Variants in MED25 observed in about 807,000 individuals in gnomAD.
The protein encoded by MED25 is mediator complex subunit 25.
Under a neutral mutation model 89.4 loss-of-function variants are expected in MED25, and 62 were observed. That is an observed-to-expected ratio of 0.69 (90% confidence interval 0.57 to 0.86). MED25 has a LOEUF of 0.86. MED25 is among the 40% of genes least tolerant of loss of function. The probability of loss-of-function intolerance (pLI) is 0.00; values close to 1 mark genes in which losing one functional copy is unlikely to be tolerated. For missense variants in MED25, 905 were observed against 1,005.2 expected, an observed-to-expected ratio of 0.90 and a Z score of 1.35; for synonymous variants, 449 against 427.9, an observed-to-expected ratio of 1.05 and a Z score of -0.61.
chr19:49,826,334 C>T (rs908077939), intron 3 of MED25, among the ~76,000 whole-genome samples: 12 of 152,156 alleles, frequency 7.9e-5, no homozygotes, highest in Admixed American at 5.2e-4. Context: ...AGCGAGACTC[C>T]GTCTCAAAAA....
chr19:49,838,719 G>A (rs527706186), downstream of MED25: 5 of 456,726 alleles, frequency 1.1e-5, no homozygotes, highest in South Asian at 7.7e-5. Context: ...AATACAACCT[G>A]AAACGCCACT....
chr19:49,839,263 A>G, downstream of MED25: 1 of 171,744 alleles, frequency 5.8e-6, no homozygotes, highest in East Asian at 1.6e-4. Context: ...GACTGGCCAG[A>G]GTTCCGAAGC....
At chr19:49,824,900 C>A (rs923198183) in intron 3 of MED25, among the ~76,000 whole-genome samples, 3 of 152,108 alleles carry the variant, frequency 2.0e-5, no homozygotes, top group Non-Finnish European at 2.9e-5. Flanking sequence ...GCAGCAGAGA[C>A]CCCGGGGAAT....
intron 2 of MED25, 97 bp downstream of exon 2, chr19:49,818,713 G>T: frequency 8.3e-7 from 1 of 1,205,008 alleles, no homozygotes; most frequent in East Asian, 2.4e-5. Flanking sequence ...GGACTCCTGA[G>T]TTTGAGGGAG....
chr19:49,819,004 TG>T, intron 2 of MED25, 167 bp from the exon 3 acceptor site: 1 of 843,406 alleles, frequency 1.2e-6, no homozygotes, highest in Non-Finnish European at 1.9e-6. Context: ...CCTGGATTCC[TG>T]GGTCTGAGGG....
chr19:49,832,336 CA>C lies in MED25; in HGVS notation c.1405del (p.Arg469GlyfsTer128). The C allele has an allele frequency of 6.2e-7, 1 of 1,609,936 alleles. No homozygotes were observed. The highest frequency in any genetic ancestry group is 1.7e-5 in the Admixed American group (1 of 59,552). Reference sequence around the variant, plus strand: ...ACCCTGGGCCCTTTGTTCCGGAACTCAAGGATGGTCCAGTTCCATTTCACCA... The same window carrying C: ...ACCCTGGGCCCTTTGTTCCGGAACTCAGGATGGTCCAGTTCCATTTCACCA... ...LTTLGPLFRN[S>X]RMVQFHFTNK... is the part of the protein sequence containing the mutation. On this transcript the variant is annotated frameshift_variant, in exon 13 of 18. Transcript: ENST00000312865. LOFTEE classifies it high-confidence loss of function.
chr19:49,831,943 A>T lies in MED25; in HGVS notation c.1238A>T (p.Lys413Ile). The change falls in exon 11 of 18, where the codon AAA becomes ATA. Residue 413 changes from lysine (K) to isoleucine (I), a missense_variant. Coordinates refer to ENST00000312865, the MANE Select transcript of MED25 (RefSeq NM_030973.4). This position sits in a 1 kb window ranked among gnomAD's most constrained non-coding sequence, Gnocchi z 5.0. ...SGVLEWQEKP[K>I]PASVDANTKL... ...CTCTTTTTTCCCCCTCAGAAACCCA[A>T]ACCTGCCTCAGTGGATGCCAACACC... 6.2e-7 allele frequency: 1 copy of T among 1,614,072 alleles called. No homozygotes were observed.
At chr19:49,828,416 C>A (rs757068737) in intron 3 of MED25, 33 bp from the exon 4 acceptor site, 2 of 1,464,476 alleles carry the variant, frequency 1.4e-6, no homozygotes, top group Non-Finnish European at 9.4e-7. Flanking sequence ...GGGATGATGG[C>A]AACCCTGGGG....
In MED25 at chr19:49,830,113, C is replaced by T. The variant is rs748517568; in HGVS notation, c.714C>T (p.Pro238=). The T allele has an allele frequency of 3.1e-6, 5 of 1,609,040 alleles. No individual in the cohort carries two copies. Among genetic ancestry groups the T allele is most frequent in the Admixed American group, 3.3e-5 (2 of 59,870 alleles). Residue 238 remains proline (P), a synonymous_variant, in exon 7 of 18, where the codon CCC becomes CCT. Transcript: ENST00000312865. This position sits in a 1 kb window ranked among gnomAD's most constrained non-coding sequence, Gnocchi z 4.6. ...LPVGGGSAPG[P]LQSKQPVPLP... ...TTGGGGGTGGCTCAGCCCCAGGCCC[C>T]CTCCAGTCAAAGCAGCCAGTCCCCC... is the stretch of plus-strand genomic sequence containing the variant.
rs1333507247 is a variant in MED25, at chr19:49,836,913, T to C, written c.2213T>C (p.Met738Thr). 3 of 1,612,954 alleles carry C rather than the reference T, an allele frequency of 1.9e-6. No individual in the cohort carries two copies. The East Asian group carries it at 6.7e-5, about 36-fold the overall frequency. The change falls in exon 18 of 18, where the codon ATG (methionine) becomes ACG (threonine). Residue 738 changes from methionine to threonine, a missense_variant. By Grantham distance (81) the Met-to-Thr change is moderately conservative. This residue lies in a region of MED25 where 271 missense variants were observed against 258.1 expected (regional missense o/e 1.05). Coordinates refer to ENST00000312865, the MANE Select transcript of MED25 (RefSeq NM_030973.4). The surrounding 1 kb of genome is among the most constrained non-coding windows in gnomAD (Gnocchi z 5.1). Reference protein sequence around the residue: ...VPQPGLQPSVMEDDILMDLI With the variant: ...VPQPGLQPSVTEDDILMDLI ...CAGCCGGGCCTGCAGCCCAGCGTCATGGAGGACGACATCCTCATGGATCTC... is the reference window on the plus strand; with the variant it reads ...CAGCCGGGCCTGCAGCCCAGCGTCACGGAGGACGACATCCTCATGGATCTC...
In MED25 at chr19:49,834,861, C is replaced by T. The variant is rs555857944; in HGVS notation, c.1483-125C>T. The T allele has an allele frequency of 1.9e-5, 19 of 994,710 alleles. No homozygotes were observed. The Admixed American group carries it at 2.7e-4, about 14-fold the overall frequency. 61.6% of individuals were successfully genotyped at this position (994,710 alleles called of 1,614,324 possible). On this transcript the variant is annotated intron_variant, in intron 13 of 17. Transcript: ENST00000312865. The surrounding 1 kb of genome is among the most constrained non-coding windows in gnomAD (Gnocchi z 4.1). ...CCCATAGCACACCTGTTCTCCTTAA[C>T]CTTCTATAGCAGAAACCTCACCTCA...
Position 49,835,302 on chromosome 19 carries a change from G to A in MED25, c.1674+125G>A, listed in dbSNP as rs888985327. Reference sequence around the variant, plus strand: ...CCAATATGTGGTGCCTCCAAGCTAAGTCCCACTCAGATTTTCTTGCAGTCT... The same window carrying A: ...CCAATATGTGGTGCCTCCAAGCTAAATCCCACTCAGATTTTCTTGCAGTCT... On this transcript the variant is annotated intron_variant, in intron 14 of 17. Transcript: ENST00000312865. The surrounding 1 kb of genome is among the most constrained non-coding windows in gnomAD (Gnocchi z 6.2). 19 of 1,131,928 alleles carry A rather than the reference G, an allele frequency of 1.7e-5. No individual in the cohort carries two copies. The highest frequency in any genetic ancestry group is 2.4e-5 in the Non-Finnish European group (18 of 752,516). 70.1% of individuals were successfully genotyped at this position (1,131,928 alleles called of 1,614,324 possible). A position where few individuals can be genotyped will look rare whatever the true frequency, so the allele number is the denominator to read the frequency against.
chr19:49,839,128 CTTTA>C (rs1485633123), downstream of MED25: 1 of 260,240 alleles, frequency 3.8e-6, no homozygotes, highest in Non-Finnish European at 7.5e-6. Context: ...ACCCAGTTAG[CTTTA>C]TTTATTTGTG....
At position 49,832,096 on chromosome 19, in the gene MED25, C is replaced by T; in HGVS notation, c.1317-4C>T. 6.2e-7 allele frequency: 1 copy of T among 1,613,748 alleles called. No individual in the cohort carries two copies. The highest frequency in any genetic ancestry group is 8.5e-7 in the Non-Finnish European group (1 of 1,180,012). On this transcript the variant is annotated splice_polypyrimidine_tract_variant and splice_region_variant and intron_variant, in intron 11 of 17. Coordinates refer to ENST00000312865, the MANE Select transcript of MED25 (RefSeq NM_030973.4). ...CCTCACACCTCTCCTGGCATCGCCC[C>T]CAGGAAGACGGAGCAGTGGCCCCAG...
Position 49,831,463 on chromosome 19 carries a change from T to A in MED25, c.1230+2T>A. On this transcript the variant is annotated splice_donor_variant, in intron 10 of 17. Transcript: ENST00000312865. LOFTEE classifies it high-confidence loss of function. The surrounding 1 kb of genome is among the most constrained non-coding windows in gnomAD (Gnocchi z 5.0). ...AGCGGGGTCCTGGAGTGGCAAGAGG[T>A]GAGGGGCCTGAGGGTCCATTGGGCA... 6.2e-7 allele frequency: 1 copy of A among 1,610,714 alleles called. No homozygotes were observed.
rs75260349 is a variant in MED25, at chr19:49,830,353, G to A, written c.819+135G>A. 285 of 1,169,294 alleles carry A rather than the reference G, an allele frequency of 2.4e-4. 1 individual carries two copies. In the African/African-American group the frequency reaches 3.9e-3, roughly 16 times the overall value. 72.4% of individuals were successfully genotyped at this position (1,169,294 alleles called of 1,614,324 possible). ...GGGACATTGGGAAGGTGGGACTCTTGGGGCCATGGAAGCTCATGTGCTGTG... is the reference window on the plus strand; with the variant it reads ...GGGACATTGGGAAGGTGGGACTCTTAGGGCCATGGAAGCTCATGTGCTGTG... On this transcript the variant is annotated intron_variant, in intron 7 of 17. Transcript: ENST00000312865. This position sits in a 1 kb window ranked among gnomAD's most constrained non-coding sequence, Gnocchi z 4.6.
In MED25 at chr19:49,835,547, A is replaced by T; in HGVS notation, c.1688A>T (p.Gln563Leu). The change falls in exon 15 of 18, where the codon CAG becomes CTG. Residue 563 changes from glutamine (Q) to leucine (L), a missense_variant. This residue lies in a region of MED25 where 271 missense variants were observed against 258.1 expected (regional missense o/e 1.05). Transcript: ENST00000312865. The surrounding 1 kb of genome is among the most constrained non-coding windows in gnomAD (Gnocchi z 6.2). The part of the protein sequence containing the change: ...EQQQRGMGGQ[Q>L]APPGLGPILE... ...CTCCCCGTGCAGATGGGGGGACAGCAGGCACCCCCAGGGCTGGGGCCCATT... is the reference window on the plus strand; with the variant it reads ...CTCCCCGTGCAGATGGGGGGACAGCTGGCACCCCCAGGGCTGGGGCCCATT... 2 of 1,562,500 alleles carry T rather than the reference A, an allele frequency of 1.3e-6. No individual in the cohort carries two copies. The highest frequency in any genetic ancestry group is 1.7e-6 in the Non-Finnish European group (2 of 1,153,942).
In MED25 at chr19:49,831,006, G is replaced by A; in HGVS notation, c.1101+119G>A. On this transcript the variant is annotated intron_variant, in intron 9 of 17. Transcript: ENST00000312865. The surrounding 1 kb of genome is among the most constrained non-coding windows in gnomAD (Gnocchi z 5.0). ...GTGGCTCTCGTGGTTCTGGGGCTTT[G>A]GGGGCTCGTGGTGTGTGTGCTGCAG... is the stretch of plus-strand genomic sequence containing the variant. 8.8e-7 allele frequency: 1 copy of A among 1,141,418 alleles called. No individual in the cohort carries two copies. The highest frequency in any genetic ancestry group is 1.3e-6 in the Non-Finnish European group (1 of 767,952). 70.7% of individuals were successfully genotyped at this position (1,141,418 alleles called of 1,614,324 possible). A position where few individuals can be genotyped will look rare whatever the true frequency, so the allele number is the denominator to read the frequency against.
downstream of MED25, chr19:49,838,850 A>C (rs1425544370): frequency 4.6e-6 from 2 of 431,272 alleles, no homozygotes; most frequent in African/African-American, 4.1e-5. Context: ...GCGAATTAAC[A>C]GAAGTGGCGC....
Sources: allele counts gnomAD v4.1 joint callset (sites outside exome capture counted in the v4.1 genomes callset), GRCh38; gene constraint gnomAD v4.1.1; regional missense constraint gnomAD v4.1.1; non-coding constraint Gnocchi (gnomAD v3.1); transcripts MANE v1.5; gene names NCBI Gene and HGNC (gene_info 2026-07-23, HGNC 2026-07-21).